Variants in SPSB4 observed in about 807,000 individuals in gnomAD.
SPSB4 encodes the protein SPRY domain-containing SOCS box protein 4.
In SPSB4, 21 loss-of-function variants were observed where a neutral mutation model predicts 20.9. That is an observed-to-expected ratio of 1.01 (90% CI 0.71 to 1.45). SPSB4 has a LOEUF of 1.45. Among genes scored for constraint, SPSB4 ranks in the 40% most tolerant of loss-of-function variants. The pLI is 0.00. For missense variants in SPSB4, 399 were observed against 399.2 expected (o/e 1.00, Z 0.00); for synonymous variants, 207 against 183.8 (o/e 1.13, Z -1.02).
intron 2 of SPSB4, among the ~76,000 whole-genome samples, chr3:141,122,991 G>A (rs1259742025): frequency 6.6e-6 from 1 of 152,226 alleles, no homozygotes; most frequent in Non-Finnish European, 1.5e-5. Context: ...AGGTACCTCA[G>A]TTGGAAATGC....
chr3:141,079,666 T>C (rs1938189732), intron 2 of SPSB4, among the ~76,000 whole-genome samples: 2 of 152,208 alleles, frequency 1.3e-5, no homozygotes, highest in African/African-American at 4.8e-5. Context: ...GTTTCCACTC[T>C]CATGGAGGAA....
intron 2 of SPSB4, among the ~76,000 whole-genome samples, chr3:141,135,908 GA>G (rs1278997470): frequency 2.0e-5 from 3 of 152,194 alleles, no homozygotes; most frequent in Non-Finnish European, 2.9e-5. Flanking sequence ...GATCCCTGAG[GA>G]ATCGCCACAC....
At chr3:141,083,908 A>C (rs1006461108) in intron 2 of SPSB4, among the ~76,000 whole-genome samples, 34 of 152,086 alleles carry the variant, frequency 2.2e-4, no homozygotes, top group African/African-American at 7.7e-4. Context: ...TGAACTCCAG[A>C]ACCCTCTGGA....
At chr3:141,137,571 T>C (rs1225402844) in intron 2 of SPSB4, among the ~76,000 whole-genome samples, 1 of 152,246 alleles carries the variant, frequency 6.6e-6, no homozygotes, top group Non-Finnish European at 1.5e-5. Flanking sequence ...TCAAAGGCCT[T>C]TTCTGCATCT....
intron 1 of SPSB4, among the ~76,000 whole-genome samples, chr3:141,064,323 T>C (rs764301158): frequency 1.3e-5 from 2 of 152,246 alleles, no homozygotes; most frequent in Non-Finnish European, 2.9e-5. Flanking sequence ...TGCATTTCTT[T>C]TTTTCTCCTG....
intron 2 of SPSB4, among the ~76,000 whole-genome samples, chr3:141,145,133 A>G (rs1939392711): frequency 6.6e-6 from 1 of 151,994 alleles, no homozygotes; most frequent in East Asian, 1.9e-4. Flanking sequence ...GGATCGATAT[A>G]CTGTCTCCAT....
chr3:141,065,931 G>A (rs1050575789), intron 1 of SPSB4, 21 bp from the exon 2 acceptor site: 1 of 560,040 alleles, frequency 1.8e-6, no homozygotes, highest in Non-Finnish European at 3.0e-6. Context: ...GCTATAACCC[G>A]TGCCCTTTGC....
intron 1 of SPSB4, among the ~76,000 whole-genome samples, chr3:141,061,483 A>G (rs1327015563): frequency 2.0e-5 from 3 of 152,218 alleles, no homozygotes; most frequent in African/African-American, 7.2e-5. Flanking sequence ...CTAAACAGAT[A>G]GTACAGAGAG....
At chr3:141,066,872 T>C in intron 2 of SPSB4, 74 bp downstream of exon 2, 1 of 1,396,232 alleles carries the variant, frequency 7.2e-7, no homozygotes, top group African/African-American at 1.5e-5. Flanking sequence ...AGGCCACACC[T>C]CCATCGCCAC....
intron 2 of SPSB4, among the ~76,000 whole-genome samples, chr3:141,145,578 T>C (rs1486876119): frequency 6.6e-6 from 1 of 152,258 alleles, no homozygotes; most frequent in Non-Finnish European, 1.5e-5. Context: ...TCACAACTCT[T>C]GTGTTAGTAT....
chr3:141,051,500 G>A lies in SPSB4; in HGVS notation c.-646G>A, dbSNP rs1410220708. 6.5e-6 allele frequency: 1 copy of A among 152,810 alleles called. No homozygotes were observed. The highest frequency in any genetic ancestry group is 2.4e-5 in the African/African-American group (1 of 41,318). The allele number at this position is 152,810 out of a possible 1,614,324, so 9.5% of individuals were successfully genotyped here. A position where few individuals can be genotyped will look rare whatever the true frequency, so the allele number is the denominator to read the frequency against. ...CACAAAAGCACCCAGCCCCAGGGGA[G>A]GGCGATGAACACACCACATCCCGGG... On this transcript the variant is annotated 5_prime_UTR_variant, in exon 1 of 3. Coordinates refer to ENST00000310546, the MANE Select transcript of SPSB4 (RefSeq NM_080862.3).
intron 2 of SPSB4, among the ~76,000 whole-genome samples, chr3:141,112,023 A>G (rs1938804991): frequency 6.6e-6 from 1 of 152,122 alleles, no homozygotes; most frequent in Non-Finnish European, 1.5e-5. Context: ...TGCTGTTTGG[A>G]GAAAACCCGC....
At chr3:141,128,797 T>C (rs904263179) in intron 2 of SPSB4, among the ~76,000 whole-genome samples, 1 of 152,192 alleles carries the variant, frequency 6.6e-6, no homozygotes, top group African/African-American at 2.4e-5. Context: ...AGTCAGCTTC[T>C]AGAAAGAGGT....
chr3:141,142,856 A>C (rs545788607), intron 2 of SPSB4, among the ~76,000 whole-genome samples: 1 of 115,944 alleles, frequency 8.6e-6, no homozygotes. Flanking sequence ...TCGCTCTGTC[A>C]CCCAGCCTGG....
At chr3:141,093,563 G>A (rs952980241) in intron 2 of SPSB4, among the ~76,000 whole-genome samples, 1 of 152,004 alleles carries the variant, frequency 6.6e-6, no homozygotes, top group Admixed American at 6.6e-5. Flanking sequence ...GGTTAAGCTG[G>A]GCTTGAGACC....
At chr3:141,108,676 T>G (rs952972239) in intron 2 of SPSB4, among the ~76,000 whole-genome samples, 4 of 152,178 alleles carry the variant, frequency 2.6e-5, no homozygotes, top group African/African-American at 9.7e-5. Flanking sequence ...TAGTGATAGT[T>G]CAGTGAGATG....
Position 141,066,180 on chromosome 3 carries a change from C to T in SPSB4, c.76C>T (p.Leu26=), listed in dbSNP as rs750533764. 21 of 1,533,104 alleles carry T rather than the reference C, an allele frequency of 1.4e-5. No individual in the cohort carries two copies. The South Asian group carries it at 2.0e-4, about 15-fold the overall frequency. The allele number at this position is 1,533,104 out of a possible 1,614,324, so 95.0% of individuals were successfully genotyped here. A position where few individuals can be genotyped will look rare whatever the true frequency, so the allele number is the denominator to read the frequency against. Residue 26 remains leucine (L), a synonymous_variant, in exon 2 of 3, where the codon CTG becomes TTG. Transcript: ENST00000310546. ...GGCGCTGCGGCCGGCCAAGCGGGAGCTGCGGGGTGCAGAGCCCGGGCGGCC... is the reference window on the plus strand; with the variant it reads ...GGCGCTGCGGCCGGCCAAGCGGGAGTTGCGGGGTGCAGAGCCCGGGCGGCC... ...EPALRPAKRE[L]RGAEPGRPAR...
At chr3:141,073,909 T>C (rs550459577) in intron 2 of SPSB4, among the ~76,000 whole-genome samples, 26 of 152,202 alleles carry the variant, frequency 1.7e-4, no homozygotes, top group African/African-American at 6.3e-4. Flanking sequence ...ATTCAGAAAC[T>C]GCCCCCTACC....
intron 1 of SPSB4, among the ~76,000 whole-genome samples, chr3:141,063,070 G>A (rs1015768681): frequency 2.0e-5 from 3 of 152,056 alleles, no homozygotes; most frequent in African/African-American, 4.8e-5. Flanking sequence ...TGGTGAGTTC[G>A]GTCTTCAATT....
Sources: allele counts gnomAD v4.1 joint callset (sites outside exome capture counted in the v4.1 genomes callset), GRCh38; gene constraint gnomAD v4.1.1; transcripts MANE v1.5; gene names NCBI Gene and HGNC (gene_info 2026-07-23, HGNC 2026-07-21).